Variants in LMX1B observed in about 807,000 individuals in gnomAD.
The protein encoded by LMX1B is LIM homeobox transcription factor 1 beta.
LMX1B carries 12 observed loss-of-function variants against 51.4 expected under a neutral mutation model. That is an observed-to-expected ratio of 0.23 (90% confidence interval 0.15 to 0.38). LMX1B has a LOEUF of 0.38. Ranked by LOEUF, LMX1B falls within the 10% of genes least tolerant of loss-of-function variation. LMX1B has a pLI of 1.00. For missense variants in LMX1B, 445 were observed against 571.1 expected, an observed-to-expected ratio of 0.78 and a Z score of 2.25; for synonymous variants, 237 against 235.4, an observed-to-expected ratio of 1.01 and a Z score of -0.06.
intron 2 of LMX1B, among the ~76,000 whole-genome samples, chr9:126,685,095 C>T (rs535504094): frequency 2.2e-4 from 33 of 152,256 alleles, no homozygotes; most frequent in African/African-American, 6.7e-4. Flanking sequence ...GGACTTCAGA[C>T]GCACAAATAA....
rs376265443 is a variant in LMX1B, at chr9:126,614,506, G to T, written c.57G>T (p.Thr19=). The change falls in exon 1 of 8, where the codon ACG becomes ACT. Residue 19 remains threonine, a synonymous_variant. Transcript: ENST00000373474. ...AGAGGTGCTTCCCTCGCGGGCAGAC[G>T]GACTGCGCCAAGATGTTGGACGGCA... The part of the protein sequence containing the change: ...SLERCFPRGQ[T]DCAKMLDGIK... 6.2e-7 allele frequency: 1 copy of T among 1,606,776 alleles called. No individual in the cohort carries two copies. The highest frequency in any genetic ancestry group is 8.5e-7 in the Non-Finnish European group (1 of 1,177,458).
At position 126,633,646 on chromosome 9, in the gene LMX1B, G is replaced by A. The variant is rs557726819; in HGVS notation, c.326+18077G>A. Among the ~76,000 whole-genome samples, 17 of 152,238 alleles carry A rather than the reference G, an allele frequency of 1.1e-4. 1 individual carries two copies. The South Asian group carries it at 3.3e-3, about 30-fold the overall frequency. On this transcript the variant is annotated intron_variant, in intron 2 of 7. Transcript: ENST00000373474. Reference sequence around the variant, plus strand: ...GAGATGGGAAGTGGGCAGAGGCCACGGAGTCCACCAGCACATCCTCCCTGT... The same window carrying A: ...GAGATGGGAAGTGGGCAGAGGCCACAGAGTCCACCAGCACATCCTCCCTGT...
At chr9:126,694,228 G>C (rs915978439) in intron 6 of LMX1B, among the ~76,000 whole-genome samples, 1 of 152,056 alleles carries the variant, frequency 6.6e-6, no homozygotes, top group Non-Finnish European at 1.5e-5. Flanking sequence ...ATCTCACCCT[G>C]TCCTCATAAA....
chr9:126,685,461 G>A (rs13300851), intron 2 of LMX1B, among the ~76,000 whole-genome samples: 14,517 of 152,182 alleles, frequency 0.095, 1,045 homozygotes, highest in East Asian at 0.34. Context: ...AACTTTGGGT[G>A]TCTCTCTCCC....
At chr9:126,616,264 G>A (rs538048519) in intron 2 of LMX1B, among the ~76,000 whole-genome samples, 1 of 152,194 alleles carries the variant, frequency 6.6e-6, no homozygotes, top group Non-Finnish European at 1.5e-5. Context: ...TTCCCACAAG[G>A]CCTCCTTTCT....
Position 126,626,319 on chromosome 9 carries a change from T to C in LMX1B, c.326+10750T>C, listed in dbSNP as rs1415627797. Among the ~76,000 whole-genome samples the C allele has an allele frequency of 1.3e-5, 2 of 152,170 alleles. No individual in the cohort carries two copies. The highest frequency in any genetic ancestry group is 2.9e-5 in the Non-Finnish European group (2 of 68,028). ...CCTCGTAAAAGCGACAGGCAAGGAC[T>C]GTTTTATGGGGAGGGAGAAGGAGCA... On this transcript the variant is annotated intron_variant, in intron 2 of 7. Transcript: ENST00000373474. The surrounding 1 kb of genome is among the most constrained non-coding windows in gnomAD (Gnocchi z 4.3).
chr9:126,625,082 G>A lies in LMX1B; in HGVS notation c.326+9513G>A, dbSNP rs768432403. Among the ~76,000 whole-genome samples the A allele has an allele frequency of 6.6e-6, 1 of 152,208 alleles. No homozygotes were observed. The highest frequency in any genetic ancestry group is 1.5e-5 in the Non-Finnish European group (1 of 68,034). ...GGGCCCTTTGTCCCACGGAGTGAAC[G>A]ACGGAAACTTGCCATCCTAATCCCC... On this transcript the variant is annotated intron_variant, in intron 2 of 7. Transcript: ENST00000373474. The surrounding 1 kb of genome is among the most constrained non-coding windows in gnomAD (Gnocchi z 5.3).
chr9:126,662,463 T>C (rs1186799993), intron 2 of LMX1B, among the ~76,000 whole-genome samples: 2 of 152,182 alleles, frequency 1.3e-5, no homozygotes, highest in African/African-American at 4.8e-5. Context: ...TGCTTGAGGG[T>C]AGTGGCAGGG....
At chr9:126,633,202 G>A (rs1339442432) in intron 2 of LMX1B, among the ~76,000 whole-genome samples, 1 of 152,208 alleles carries the variant, frequency 6.6e-6, no homozygotes, top group South Asian at 2.1e-4. Context: ...TGTAGCACTT[G>A]CTAGAGGTGC....
intron 2 of LMX1B, among the ~76,000 whole-genome samples, chr9:126,649,292 C>A (rs1040021836): frequency 1.3e-5 from 2 of 152,164 alleles, no homozygotes; most frequent in Non-Finnish European, 2.9e-5. Flanking sequence ...TAAGGTCTGA[C>A]CCTGTCACTT....
Position 126,614,487 on chromosome 9 carries a change from G to A in LMX1B, c.38G>A (p.Cys13Tyr). The change falls in exon 1 of 8, where the codon TGC becomes TAC. Residue 13 changes from cysteine to tyrosine, a missense_variant. Physicochemically the swap from Cys to Tyr is radical, Grantham distance 194 (BLOSUM62 -2). Coordinates refer to ENST00000373474, the MANE Select transcript of LMX1B (RefSeq NM_001174147.2). ...IATGPESLER[C>Y]FPRGQTDCAK... ...ACAGGTCCCGAGTCGCTGGAGAGGT[G>A]CTTCCCTCGCGGGCAGACGGACTGC... 1 of 1,601,266 alleles carries A rather than the reference G, an allele frequency of 6.2e-7. No homozygotes were observed. The highest frequency in any genetic ancestry group is 8.5e-7 in the Non-Finnish European group (1 of 1,174,746).
intron 2 of LMX1B, among the ~76,000 whole-genome samples, chr9:126,638,214 G>C (rs1177432382): frequency 1.3e-5 from 2 of 152,152 alleles, no homozygotes; most frequent in Non-Finnish European, 2.9e-5. Context: ...GTCCCGACAG[G>C]AATGCTCCGG....
chr9:126,657,258 G>T (rs1020405340), intron 2 of LMX1B, among the ~76,000 whole-genome samples: 6 of 152,214 alleles, frequency 3.9e-5, no homozygotes, highest in Non-Finnish European at 8.8e-5. Flanking sequence ...ACATAAGACT[G>T]TCTGATGGTG....
chr9:126,636,870 C>T (rs553738220), intron 2 of LMX1B, among the ~76,000 whole-genome samples: 21 of 152,316 alleles, frequency 1.4e-4, no homozygotes, highest in African/African-American at 5.1e-4. Context: ...TGCGTGCATG[C>T]AGGCACATGT....
At chr9:126,649,398 C>T (rs962340693) in intron 2 of LMX1B, among the ~76,000 whole-genome samples, 5 of 152,184 alleles carry the variant, frequency 3.3e-5, no homozygotes, top group Non-Finnish European at 7.4e-5. Context: ...TTCCTCCCTG[C>T]GTCCTCCCAG....
intron 3 of LMX1B, among the ~76,000 whole-genome samples, chr9:126,692,775 T>G (rs1309457463): frequency 6.6e-6 from 1 of 152,206 alleles, no homozygotes; most frequent in African/African-American, 2.4e-5. Flanking sequence ...GTTCCCCGAG[T>G]GGGCCTGCCT....
rs554812730 is a variant in LMX1B, at chr9:126,663,473, G to A, written c.327-27363G>A. On this transcript the variant is annotated intron_variant, in intron 2 of 7. Coordinates refer to ENST00000373474, the MANE Select transcript of LMX1B (RefSeq NM_001174147.2). ...AAGAATTTTGAGAGCAGAGGGACTT[G>A]GGTTCAAATCCCAGCTCTGCCACTT... Among the ~76,000 whole-genome samples, 7 of 151,860 alleles carry A rather than the reference G, an allele frequency of 4.6e-5. No homozygotes were observed. The South Asian group carries it at 1.5e-3, about 32-fold the overall frequency.
chr9:126,659,030 G>C (rs187185202), intron 2 of LMX1B, among the ~76,000 whole-genome samples: 371 of 152,310 alleles, frequency 2.4e-3, no homozygotes, highest in African/African-American at 8.6e-3. Flanking sequence ...GGGGTCTGCC[G>C]AGGTATCCTC....
chr9:126,696,067 G>C, intron 7 of LMX1B, 64 bp downstream of exon 7: 1 of 1,236,862 alleles, frequency 8.1e-7, no homozygotes, highest in Non-Finnish European at 1.0e-6. Flanking sequence ...AGGCCAGGCA[G>C]GCCTGGGGCC....
Sources: gnomAD v4.1 joint callset for allele counts (sites outside exome capture counted in the v4.1 genomes callset) on GRCh38, gnomAD v4.1.1 for gene constraint, Gnocchi (gnomAD v3.1) non-coding constraint, MANE v1.5 for transcripts, NCBI Gene and HGNC (gene_info 2026-07-23, HGNC 2026-07-21) for gene names.